TTN: variants seen among roughly 807,000 people sequenced by gnomAD.
TTN encodes the protein titin, also known as connectin.
In TTN, 1,525 loss-of-function variants were observed where a neutral mutation model predicts 3,223.0. That is an observed-to-expected ratio of 0.47 (90% CI 0.45 to 0.49). The LOEUF is 0.49. Ranked by LOEUF, TTN falls within the 20% of genes least tolerant of loss-of-function variation. The probability of loss-of-function intolerance (pLI) is 0.00; values close to 1 mark genes in which losing one functional copy is unlikely to be tolerated. For synonymous variants in TTN, 14,094 were observed against 15,161.0 expected (o/e 0.93, Z 5.17); for missense variants, 40,786 against 43,424.0 (o/e 0.94, Z 5.40).
intron 15 of TTN, among the ~76,000 whole-genome samples, chr2:178,784,925 C>CAGTT (rs1429186202): frequency 6.6e-6 from 1 of 152,130 alleles, no homozygotes; most frequent in African/African-American, 2.4e-5. Context: ...ATGTAACTTA[C>CAGTT]AGTTCTTTGA....
In TTN at chr2:178,630,966, TG is replaced by T. The variant is rs1286361161; in HGVS notation, c.44015-24del. On this transcript the variant is annotated intron_variant, in intron 237 of 362. Transcript: ENST00000589042. Reference sequence around the variant, plus strand: ...GATCTAGAAAAGTGAAGGGCCAGCATGGGTCATTAGCCTCTGGCACAAATAA... The same window carrying T: ...GATCTAGAAAAGTGAAGGGCCAGCATGGTCATTAGCCTCTGGCACAAATAA... 1.9e-6 allele frequency: 3 copies of T among 1,612,236 alleles called. 1 individual carries two copies. Among genetic ancestry groups the T allele is most frequent in the South Asian group, 1.1e-5 (1 of 90,790 alleles).
In TTN at chr2:178,792,111, T is replaced by A. The variant is rs1440658993; in HGVS notation, c.1623A>T (p.Glu541Asp). 6.2e-7 allele frequency: 1 copy of A among 1,612,696 alleles called. No individual in the cohort carries two copies. The highest frequency in any genetic ancestry group is 2.2e-5 in the East Asian group (1 of 44,708). ...CTTGTTTCTGTTTCTTAGTAATTTC[T>A]TCAGAAATTCTAGTTTCTTGTTCTT... is the stretch of plus-strand genomic sequence containing the variant. ...KAKEQETRIS[E>D]EITKKQKQVT... The change falls in exon 10 of 363, where the codon GAA becomes GAT. Residue 541 changes from glutamate (E) to aspartate (D), a missense_variant. Coordinates refer to ENST00000589042, the MANE Select transcript of TTN (RefSeq NM_001267550.2).
rs970694174 is a variant in TTN at position 178,757,751 on chromosome 2, C to T, written c.10469G>A (p.Gly3490Asp). Reference sequence around the variant, plus strand: ...CCATTGGATTTCTGGCTTGGGAATGCCAGAAACCCTCGCATGAAATCTGAC... The same window carrying T: ...CCATTGGATTTCTGGCTTGGGAATGTCAGAAACCCTCGCATGAAATCTGAC... ...ETVRFHARVSGIPKPEIQWFH... is the reference protein window; with the variant it reads ...ETVRFHARVSDIPKPEIQWFH... Residue 3490 changes from glycine (G) to aspartate (D), a missense_variant, in exon 45 of 363, where the codon GGC becomes GAC. Coordinates refer to ENST00000589042, the MANE Select transcript of TTN (RefSeq NM_001267550.2). The T allele has an allele frequency of 6.2e-7, 1 of 1,613,694 alleles. No homozygotes were observed. Among genetic ancestry groups the T allele is most frequent in the African/African-American group, 1.3e-5 (1 of 74,884 alleles).
rs1401685434 is a variant in TTN, at chr2:178,527,261, A to T, written c.107727T>A (p.Asp35909Glu). The T allele has an allele frequency of 1.9e-6, 3 of 1,611,356 alleles. No homozygotes were observed. The African/African-American group carries it at 4.0e-5, about 22-fold the overall frequency. Residue 35909 changes from aspartate to glutamate, a missense_variant, in exon 363 of 363, where the codon GAT becomes GAA. Coordinates refer to ENST00000589042, the MANE Select transcript of TTN (RefSeq NM_001267550.2). ...AGGCTACTGTTAGAACTTTGCCTTC[A>T]TCAATGCTGATATCAGATGGAAGAG... is the stretch of plus-strand genomic sequence containing the variant. ...IEALPSDISI[D>E]EGKVLTVACA... is the part of the protein sequence containing the mutation.
In TTN at chr2:178,536,404, C is replaced by G. The variant is rs1315622743; in HGVS notation, c.100343G>C (p.Arg33448Pro). 4 of 1,613,608 alleles carry G rather than the reference C, an allele frequency of 2.5e-6. No individual in the cohort carries two copies. The highest frequency in any genetic ancestry group is 3.4e-6 in the Non-Finnish European group (4 of 1,179,702). Residue 33448 changes from arginine to proline, a missense_variant, in exon 357 of 363, where the codon CGA (arginine) becomes CCA (proline). Physicochemically the swap from Arg to Pro is moderately radical, Grantham distance 103 (BLOSUM62 -2). Coordinates refer to ENST00000589042, the MANE Select transcript of TTN (RefSeq NM_001267550.2). ...KWISVTTEEIRETVFSVKNLI... is the reference protein window; with the variant it reads ...KWISVTTEEIPETVFSVKNLI... ...GTTTTTCACTGAAAAGACAGTTTCTCGAATTTCTTCTGTTGTCACAGAAAT... is the reference window on the plus strand; with the variant it reads ...GTTTTTCACTGAAAAGACAGTTTCTGGAATTTCTTCTGTTGTCACAGAAAT...
In TTN at chr2:178,581,608, A is replaced by G; in HGVS notation, c.66660T>C (p.Thr22220=). ...QNLQKTRFEV[T]GLMEDTQYQF... ...GATATTGTGTGTCTTCCATCAGGCC[A>G]GTAACCTCAAAGCGGGTTTTCTGTA... The change falls in exon 316 of 363, where the codon ACT becomes ACC. Residue 22220 remains threonine, a synonymous_variant. Transcript: ENST00000589042. 6.2e-7 allele frequency: 1 copy of G among 1,612,858 alleles called. No individual in the cohort carries two copies. Among genetic ancestry groups the G allele is most frequent in the Non-Finnish European group, 8.5e-7 (1 of 1,179,254 alleles).
Position 178,704,160 on chromosome 2 carries a change from T to A in TTN, c.30210A>T (p.Glu10070Asp). Residue 10070 changes from glutamate to aspartate, a missense_variant, in exon 106 of 363, where the codon GAA becomes GAT. Glu to Asp is a conservative substitution (Grantham distance 45). Coordinates refer to ENST00000589042, the MANE Select transcript of TTN (RefSeq NM_001267550.2). ...TGTTTCACGCACCTTCGATTCTGAGTTCTGCTGAAGTTTCAAGGTCTTCAT... is the reference window on the plus strand; with the variant it reads ...TGTTTCACGCACCTTCGATTCTGAGATCTGCTGAAGTTTCAAGGTCTTCAT... ...CKYEDLETSA[E>D]LRIEAEPIQF... 6.2e-7 allele frequency: 1 copy of A among 1,613,774 alleles called. No homozygotes were observed. Among genetic ancestry groups the A allele is most frequent in the Non-Finnish European group, 8.5e-7 (1 of 1,179,838 alleles).
chr2:178,619,029 GT>G, intron 250 of TTN, 176 bp from the exon 251 acceptor site: 1 of 831,152 alleles, frequency 1.2e-6, no homozygotes, highest in Middle Eastern at 3.7e-4. Context: ...TGTTGTTGTT[GT>G]GCGTGCAAAT....
chr2:178,637,187 A>ATATATATATC (rs1553749552), intron 224 of TTN, among the ~76,000 whole-genome samples, 182 bp downstream of exon 224: 9 of 125,288 alleles, frequency 7.2e-5, no homozygotes, highest in African/African-American at 2.4e-4. Context: ...ATATATATAT[A>ATATATATATC]TATCTCCTTG....
In TTN at chr2:178,587,431, T is replaced by C. The variant is rs777146728; in HGVS notation, c.63794-14A>G. 38 of 1,603,098 alleles carry C rather than the reference T, an allele frequency of 2.4e-5. No homozygotes were observed. Among genetic ancestry groups the C allele is most frequent in the Non-Finnish European group, 3.1e-5 (36 of 1,175,164 alleles). ...GCCCAGGAGTGTCTGTAAAGAATCATAAAATCAGATATACATGTCTCCTCA... is the reference window on the plus strand; with the variant it reads ...GCCCAGGAGTGTCTGTAAAGAATCACAAAATCAGATATACATGTCTCCTCA... On this transcript the variant is annotated splice_polypyrimidine_tract_variant and intron_variant, in intron 306 of 362. Transcript: ENST00000589042.
At chr2:178,529,919 A>G in intron 359 of TTN, 41 bp downstream of exon 359, 1 of 1,562,818 alleles carries the variant, frequency 6.4e-7, no homozygotes, top group Non-Finnish European at 8.6e-7. Context: ...CCCTAATATT[A>G]TCTTCTGAAG....
intron 61 of TTN, 36 bp downstream of exon 61, chr2:178,730,469 G>GT: frequency 1.3e-6 from 2 of 1,562,958 alleles, no homozygotes; most frequent in Non-Finnish European, 1.7e-6. Context: ...AAAATATTTT[G>GT]TAAGTTCTTG....
Position 178,649,829 on chromosome 2 carries a change from G to T in TTN, c.39883C>A (p.Pro13295Thr), listed in dbSNP as rs749860520. The change falls in exon 211 of 363, where the codon CCG (proline) becomes ACG (threonine). Residue 13295 changes from proline to threonine, a missense_variant. Physicochemically the swap from Pro to Thr is conservative, Grantham distance 38. Transcript: ENST00000589042. ...TTAACATGAGTACCTTTAGGAGGCG[G>T]TGCTTCTGGTTTTTTGATGACAGGA... is the stretch of plus-strand genomic sequence containing the variant. Reference protein sequence around the residue: ...KVPVIKKPEAPPPKEPEMPKK... With the variant: ...KVPVIKKPEATPPKEPEMPKK... 39 of 1,612,494 alleles carry T rather than the reference G, an allele frequency of 2.4e-5. No individual in the cohort carries two copies. The highest frequency in any genetic ancestry group is 3.3e-5 in the Non-Finnish European group (39 of 1,179,402).
At position 178,601,137 on chromosome 2, in the gene TTN, G is replaced by A; in HGVS notation, c.55767C>T (p.Gly18589=). 1 of 1,553,692 alleles carries A rather than the reference G, an allele frequency of 6.4e-7. No homozygotes were observed. Among genetic ancestry groups the A allele is most frequent in the Non-Finnish European group, 8.7e-7 (1 of 1,153,544 alleles). The change falls in exon 288 of 363, where the codon GGC becomes GGT. Residue 18589 remains glycine (G), a synonymous_variant. Transcript: ENST00000589042. Reference sequence around the variant, plus strand: ...GATGCACTGTGTTCTTTGTGATGAGGCCAATCTTGAGTTTAATAGGAGGAT... The same window carrying A: ...GATGCACTGTGTTCTTTGTGATGAGACCAATCTTGAGTTTAATAGGAGGAT... ...PPDPPIKLKI[G]LITKNTVHLS... is the part of the protein sequence containing the mutation.
Position 178,757,785 on chromosome 2 carries a change from C to T in TTN, c.10435G>A (p.Gly3479Arg), listed in dbSNP as rs746691102. 7.1e-5 allele frequency: 115 copies of T among 1,613,470 alleles called. No homozygotes were observed. Among genetic ancestry groups the T allele is most frequent in the Admixed American group, 2.7e-4 (16 of 60,002 alleles). The change falls in exon 45 of 363, where the codon GGG becomes AGG. Residue 3479 changes from glycine (G) to arginine (R), a missense_variant. Coordinates refer to ENST00000589042, the MANE Select transcript of TTN (RefSeq NM_001267550.2). Reference sequence around the variant, plus strand: ...CTCGCATGAAATCTGACTGTCTCCCCGTTGTGCACCCTGAGGCTTGACAGA... The same window carrying T: ...CTCGCATGAAATCTGACTGTCTCCCTGTTGTGCACCCTGAGGCTTGACAGA... ...QPLSSLRVHN[G>R]ETVRFHARVS...
At position 178,732,114 on chromosome 2, in the gene TTN, G is replaced by C; in HGVS notation, c.16855C>G (p.Gln5619Glu). Residue 5619 changes from glutamine (Q) to glutamate (E), a missense_variant, in exon 57 of 363, where the codon CAA becomes GAA. Coordinates refer to ENST00000589042, the MANE Select transcript of TTN (RefSeq NM_001267550.2). Reference protein sequence around the residue: ...EDSGEYMCEAQNEAGSDHCSS... With the variant: ...EDSGEYMCEAENEAGSDHCSS... Reference sequence around the variant, plus strand: ...CAGTGGTCACTGCCAGCCTCATTTTGGGCCTCACACATATATTCACCACTG... The same window carrying C: ...CAGTGGTCACTGCCAGCCTCATTTTCGGCCTCACACATATATTCACCACTG... The C allele has an allele frequency of 6.2e-7, 1 of 1,613,150 alleles. No individual in the cohort carries two copies. The highest frequency in any genetic ancestry group is 8.5e-7 in the Non-Finnish European group (1 of 1,179,362).
At chr2:178,625,567 T>G (rs1224193489) in intron 240 of TTN, among the ~76,000 whole-genome samples, 171 bp from the exon 241 acceptor site, 1 of 151,944 alleles carries the variant, frequency 6.6e-6, no homozygotes, top group South Asian at 2.1e-4. Context: ...GGATCTTTTT[T>G]TTAAATTTAT....
In TTN at chr2:178,728,228, A is replaced by G. The variant is rs1436480359; in HGVS notation, c.19596T>C (p.His6532=). The change falls in exon 67 of 363, where the codon CAT becomes CAC. Residue 6532 remains histidine (H), a synonymous_variant. Coordinates refer to ENST00000589042, the MANE Select transcript of TTN (RefSeq NM_001267550.2). ...STSAKYRLVC[H]ERSVSLEVNN... is the part of the protein sequence containing the mutation. ...TAACTTCCAGAGACACAGATCTCTC[A>G]TGGCACACAAGTCTGTATTTTGCAC... 6.2e-7 allele frequency: 1 copy of G among 1,613,190 alleles called. No individual in the cohort carries two copies. Among genetic ancestry groups the G allele is most frequent in the South Asian group, 1.1e-5 (1 of 91,036 alleles).
intron 152 of TTN, 140 bp downstream of exon 152, chr2:178,673,493 G>A: frequency 3.7e-6 from 2 of 546,248 alleles, no homozygotes; most frequent in South Asian, 3.4e-5. Context: ...TAAAGAAATG[G>A]AATGAGTTAT....
Sources: gnomAD v4.1 joint callset for allele counts (sites outside exome capture counted in the v4.1 genomes callset) on GRCh38, gnomAD v4.1.1 for gene constraint, MANE v1.5 for transcripts, NCBI Gene and HGNC (gene_info 2026-07-23, HGNC 2026-07-21) for gene names.